Variants in SMC4 observed in about 807,000 individuals in gnomAD.
The protein encoded by SMC4 is structural maintenance of chromosomes 4.
Under a neutral mutation model 145.6 loss-of-function variants are expected in SMC4, and 87 were observed. The observed-to-expected ratio is 0.60, with a 90% CI of 0.50 to 0.71. SMC4 has a LOEUF of 0.71. SMC4 is among the 30% of genes least tolerant of loss of function. SMC4 has a pLI of 0.00. For synonymous variants in SMC4, 558 were observed against 500.7 expected (o/e 1.11, Z -1.53); for missense variants, 1,447 against 1,537.1 (o/e 0.94, Z 0.98).
rs552867316 is a variant in SMC4 at position 160,433,957 on chromosome 3, T to TAATA, written c.*151_*154dup. 3.7e-6 allele frequency: 2 copies of TAATA among 539,646 alleles called. No individual in the cohort carries two copies. Among genetic ancestry groups the TAATA allele is most frequent in the Non-Finnish European group, 6.4e-6 (2 of 312,228 alleles). The allele number at this position is 539,646 out of a possible 1,614,324, so 33.4% of individuals were successfully genotyped here. ...TTATGCAGTTGTCATTTGTAAAGTC[T>TAATA]AATAAAATATTCTCTATAATTGCTT... On this transcript the variant is annotated 3_prime_UTR_variant, in exon 24 of 24. Transcript: ENST00000357388.
chr3:160,409,308 A>G (rs1715719737), intron 5 of SMC4, among the ~76,000 whole-genome samples: 2 of 147,880 alleles, frequency 1.4e-5, no homozygotes, highest in Non-Finnish European at 3.0e-5. Flanking sequence ...AATGTTATAC[A>G]GGAGTTGAGA....
At chr3:160,400,112 T>C (rs911542832) in intron 1 of SMC4, 1 of 152,314 alleles carries the variant, frequency 6.6e-6, no homozygotes, top group Non-Finnish European at 1.5e-5. Flanking sequence ...TGACCTTTCA[T>C]GGTTTACTGT....
intron 13 of SMC4, 70 bp from the exon 14 acceptor site, chr3:160,423,355 T>C: frequency 1.1e-6 from 1 of 944,894 alleles, no homozygotes; most frequent in Non-Finnish European, 1.5e-6. Flanking sequence ...ATGGGTTTTT[T>C]TTTGTTTTTT....
intron 4 of SMC4, 57 bp downstream of exon 4, chr3:160,402,924 A>T: frequency 8.0e-7 from 1 of 1,257,240 alleles, no homozygotes; most frequent in South Asian, 1.6e-5. Flanking sequence ...ACTTAAATGC[A>T]TTACATATTT....
chr3:160,402,645 T>C, intron 3 of SMC4, 31 bp from the exon 4 acceptor site: 1 of 1,586,550 alleles, frequency 6.3e-7, no homozygotes. Context: ...TATGAACTTT[T>C]CCGTGTTTTG....
At chr3:160,417,383 T>A (rs1371570392) in intron 10 of SMC4, among the ~76,000 whole-genome samples, 1 of 152,188 alleles carries the variant, frequency 6.6e-6, no homozygotes, top group Non-Finnish European at 1.5e-5. Context: ...TACTTCATAG[T>A]TAGTGGATTT....
At chr3:160,423,373 G>GTTTTGTT in intron 13 of SMC4, 52 bp from the exon 14 acceptor site, 6 of 651,752 alleles carry the variant, frequency 9.2e-6, no homozygotes, top group Non-Finnish European at 1.1e-5. Flanking sequence ...TTTTTTTTGA[G>GTTTTGTT]TTTTCTTTTT....
At chr3:160,432,593 T>C in intron 22 of SMC4, 78 bp downstream of exon 22, 1 of 972,836 alleles carries the variant, frequency 1.0e-6, no homozygotes, top group Non-Finnish European at 1.5e-6. Context: ...TTCTTGGAGG[T>C]AGGATGTGAA....
In SMC4 at chr3:160,404,390, A is replaced by G. The variant is rs199650717; in HGVS notation, c.573A>G (p.Arg191=). 1.0e-4 allele frequency: 167 copies of G among 1,611,006 alleles called. No homozygotes were observed. In the East Asian group the frequency reaches 3.7e-3, roughly 36 times the overall value. The part of the protein sequence containing the change: ...SNFYVSRTAC[R]DNTSVYHISG... ...TCTATGTATCCAGAACGGCCTGCAG[A>G]GATAATACTTCTGTCTATCACATAA... Residue 191 remains arginine (R), a synonymous_variant, in exon 5 of 24, where the codon AGA becomes AGG. Transcript: ENST00000357388.
At position 160,432,335 on chromosome 3, in the gene SMC4, G is replaced by T; in HGVS notation, c.3350G>T (p.Arg1117Ile). 1 of 1,613,106 alleles carries T rather than the reference G, an allele frequency of 6.2e-7. No homozygotes were observed. The highest frequency in any genetic ancestry group is 8.5e-7 in the Non-Finnish European group (1 of 1,179,776). The change falls in exon 22 of 24, where the codon AGA (arginine) becomes ATA (isoleucine). Residue 1117 changes from arginine to isoleucine, a missense_variant. Transcript: ENST00000357388. ...GAATTGGACAAAATTACTTATGAAA[G>T]AGACAGTTTTAGACAGGCATATGAA... Reference protein sequence around the residue: ...VAELDKITYERDSFRQAYEDL... With the variant: ...VAELDKITYEIDSFRQAYEDL...
intron 22 of SMC4, 28 bp from the exon 23 acceptor site, chr3:160,432,998 T>C: frequency 6.5e-7 from 1 of 1,533,658 alleles, no homozygotes; most frequent in Non-Finnish European, 9.0e-7. Flanking sequence ...TACAGGTAAT[T>C]TGACTATGAT....
chr3:160,404,050 A>C (rs1366249223), intron 4 of SMC4: 2 of 326,552 alleles, frequency 6.1e-6, no homozygotes, highest in Non-Finnish European at 1.1e-5. Context: ...TCAATCATAA[A>C]CGTTTTTAGG....
intron 9 of SMC4, among the ~76,000 whole-genome samples, chr3:160,414,881 TA>T: frequency 6.6e-6 from 1 of 152,236 alleles, no homozygotes; most frequent in Non-Finnish European, 1.5e-5. Flanking sequence ...CTTTGAGTTT[TA>T]AAGTTTATAT....
Position 160,417,866 on chromosome 3 carries a change from A to G in SMC4, c.1581A>G (p.Leu527=), listed in dbSNP as rs773228494. 3 of 1,613,636 alleles carry G rather than the reference A, an allele frequency of 1.9e-6. No individual in the cohort carries two copies. The highest frequency in any genetic ancestry group is 3.3e-5 in the Admixed American group (2 of 59,980). Residue 527 remains leucine (L), a synonymous_variant, in exon 11 of 24, where the codon CTA becomes CTG. Transcript: ENST00000357388. ...VSQLTKAKEA[L]IAASETLKER... ...AATTAACTAAGGCTAAGGAAGCTCT[A>G]ATTGCAGCTTCTGAGACTCTCAAAG...
chr3:160,420,296 A>T (rs950411260), intron 12 of SMC4, among the ~76,000 whole-genome samples: 1 of 152,230 alleles, frequency 6.6e-6, no homozygotes, highest in African/African-American at 2.4e-5. Flanking sequence ...TGCATCTTGT[A>T]TCGGGACTTC....
At chr3:160,415,828 A>G (rs1716521292) in intron 9 of SMC4, among the ~76,000 whole-genome samples, 1 of 152,250 alleles carries the variant, frequency 6.6e-6, no homozygotes, top group South Asian at 2.1e-4. Flanking sequence ...TGACTCTGGA[A>G]GAGTAAAGTT....
At chr3:160,402,960 T>G (rs542901403) in intron 4 of SMC4, 93 bp downstream of exon 4, 16 of 879,224 alleles carry the variant, frequency 1.8e-5, no homozygotes, top group Middle Eastern at 3.6e-4. Flanking sequence ...GAAATTTGTA[T>G]GTAATTACAG....
Position 160,432,963 on chromosome 3 carries a change from A to G in SMC4, c.3531-63A>G, listed in dbSNP as rs143037527. ...TAGTAGAACTCAATTATGGAAAGCAAATCACAAAGTCTTAACTTTAGCTTT... is the reference window on the plus strand; with the variant it reads ...TAGTAGAACTCAATTATGGAAAGCAGATCACAAAGTCTTAACTTTAGCTTT... On this transcript the variant is annotated intron_variant, in intron 22 of 23. Transcript: ENST00000357388. The G allele has an allele frequency of 2.4e-3, 2,814 of 1,164,900 alleles. 5 individuals carry two copies. The highest frequency in any genetic ancestry group is 2.6e-3 in the Non-Finnish European group (2,067 of 798,908). The allele number at this position is 1,164,900 out of a possible 1,614,324, so 72.2% of individuals were successfully genotyped here.
intron 4 of SMC4, among the ~76,000 whole-genome samples, chr3:160,403,292 A>G (rs949952014): frequency 5.5e-4 from 84 of 152,146 alleles, no homozygotes; most frequent in Non-Finnish European, 1.2e-3. Flanking sequence ...GCCCCTGAGT[A>G]TCTGTGATAT....
Sources: allele counts gnomAD v4.1 joint callset (sites outside exome capture counted in the v4.1 genomes callset), GRCh38; gene constraint gnomAD v4.1.1; transcripts MANE v1.5; gene names NCBI Gene and HGNC (gene_info 2026-07-23, HGNC 2026-07-21).